Variants in NDST3 observed in about 807,000 individuals in gnomAD.
NDST3 encodes the protein N-deacetylase and N-sulfotransferase 3.
A neutral mutation model predicts 96.1 loss-of-function variants in NDST3; 58 were observed. That is an observed-to-expected ratio of 0.60 (90% confidence interval 0.49 to 0.75). The LOEUF (loss-of-function observed/expected upper bound fraction) is 0.75. Ranked by LOEUF, NDST3 falls within the 30% of genes least tolerant of loss-of-function variation. The probability of loss-of-function intolerance (pLI) is 0.00; values close to 1 mark genes in which losing one functional copy is unlikely to be tolerated. For missense variants in NDST3, 788 were observed against 1,034.2 expected (o/e 0.76, Z 3.27); for synonymous variants, 333 against 359.7 (o/e 0.93, Z 0.84).
chr4:118,207,777 A>T (rs1004948703), intron 6 of NDST3, among the ~76,000 whole-genome samples: 2 of 144,804 alleles, frequency 1.4e-5, no homozygotes, highest in South Asian at 4.6e-4. Flanking sequence ...TTCTTTCAAA[A>T]TTCTAACATA....
chr4:118,170,883 C>T (rs1735906082), intron 6 of NDST3, among the ~76,000 whole-genome samples: 1 of 151,996 alleles, frequency 6.6e-6, no homozygotes, highest in Non-Finnish European at 1.5e-5. Context: ...AAATATAAGT[C>T]AGATAGCATT....
intron 6 of NDST3, among the ~76,000 whole-genome samples, chr4:118,150,920 A>G (rs1044070771): frequency 1.6e-4 from 25 of 151,932 alleles, no homozygotes; most frequent in African/African-American, 5.8e-4. Flanking sequence ...TCATACTGCT[A>G]TAAAGACACA....
chr4:118,045,082 G>A (rs763165815), intron 1 of NDST3, among the ~76,000 whole-genome samples: 25 of 151,800 alleles, frequency 1.6e-4, no homozygotes, highest in Non-Finnish European at 3.2e-4. Flanking sequence ...CATAATCTGG[G>A]TTACCCATAC....
chr4:118,152,241 G>T (rs1734447057), intron 6 of NDST3, among the ~76,000 whole-genome samples: 1 of 152,114 alleles, frequency 6.6e-6, no homozygotes, highest in African/African-American at 2.4e-5. Flanking sequence ...CTTTACACAT[G>T]CATTTGTCTT....
intron 6 of NDST3, among the ~76,000 whole-genome samples, chr4:118,218,140 T>A (rs1739306984): frequency 6.6e-6 from 1 of 152,140 alleles, no homozygotes; most frequent in Non-Finnish European, 1.5e-5. Flanking sequence ...TCTTTCCTTC[T>A]GAAACTATTC....
intron 3 of NDST3, among the ~76,000 whole-genome samples, chr4:118,108,886 T>C (rs928262101): frequency 1.9e-5 from 2 of 105,754 alleles, no homozygotes; most frequent in Non-Finnish European, 4.9e-5. Context: ...ATTTTAAATA[T>C]TAACAACTGG....
chr4:118,067,793 T>C (rs192654895), intron 2 of NDST3, among the ~76,000 whole-genome samples: 81 of 151,976 alleles, frequency 5.3e-4, no homozygotes, highest in African/African-American at 1.8e-3. Context: ...TCAGGACAAA[T>C]AGCTAATGCA....
intron 6 of NDST3, 151 bp downstream of exon 6, chr4:118,143,835 C>A: frequency 1.3e-6 from 1 of 783,524 alleles, no homozygotes; most frequent in South Asian, 2.5e-5. Flanking sequence ...GGAACCACAT[C>A]TAGAAATGGG....
chr4:118,154,670 C>A (rs1467937464), intron 6 of NDST3, among the ~76,000 whole-genome samples: 2 of 152,146 alleles, frequency 1.3e-5, no homozygotes, highest in Non-Finnish European at 2.9e-5. Context: ...ATCTATCAAT[C>A]TTTTAATTTT....
intron 6 of NDST3, among the ~76,000 whole-genome samples, chr4:118,148,835 C>T (rs540732436): frequency 3.7e-4 from 56 of 152,232 alleles, no homozygotes; most frequent in East Asian, 7.7e-4. Flanking sequence ...GGAGACCCTT[C>T]GCTGAAAAAT....
intron 1 of NDST3, among the ~76,000 whole-genome samples, chr4:118,035,746 T>A (rs1244540426): frequency 6.6e-6 from 1 of 152,020 alleles, no homozygotes; most frequent in Non-Finnish European, 1.5e-5. Context: ...CTAATTTTGT[T>A]ATCATTTTTC....
intron 6 of NDST3, among the ~76,000 whole-genome samples, chr4:118,160,440 A>T (rs914996634): frequency 1.4e-4 from 21 of 151,920 alleles, no homozygotes; most frequent in Non-Finnish European, 2.9e-4. Context: ...AATAGCCAGT[A>T]TCTATAAGGA....
chr4:118,041,038 G>C (rs1239152560), intron 1 of NDST3, among the ~76,000 whole-genome samples: 1 of 151,804 alleles, frequency 6.6e-6, no homozygotes, highest in African/African-American at 2.4e-5. Context: ...GTGAGCCCCT[G>C]CACCCGGCCT....
chr4:118,114,834 C>T lies in NDST3; in HGVS notation c.1098C>T (p.Asp366=). The T allele has an allele frequency of 6.2e-7, 1 of 1,613,976 alleles. No individual in the cohort carries two copies. Among genetic ancestry groups the T allele is most frequent in the Non-Finnish European group, 8.5e-7 (1 of 1,179,936 alleles). The change falls in exon 4 of 14, where the codon GAC becomes GAT. Residue 366 remains aspartate (D), a synonymous_variant. Transcript: ENST00000296499. ...TGTEEEDEGD[D]CLLGSVDEFW... ...CTGAAGAGGAAGATGAAGGAGATGA[C>T]TGTCTGTTGGGGTCTGTGGATGAGT...
intron 6 of NDST3, among the ~76,000 whole-genome samples, chr4:118,199,399 T>A (rs563009900): frequency 6.6e-6 from 1 of 152,192 alleles, no homozygotes; most frequent in Admixed American, 6.5e-5. Context: ...AATTTCTGCA[T>A]GATCCTTTTT....
chr4:118,220,094 T>C (rs1739437685), intron 6 of NDST3, among the ~76,000 whole-genome samples: 1 of 152,024 alleles, frequency 6.6e-6, no homozygotes, highest in South Asian at 2.1e-4. Context: ...GAAATACCAA[T>C]GGGATTGCTG....
chr4:118,141,663 A>G (rs1352399737), intron 5 of NDST3, among the ~76,000 whole-genome samples: 1 of 152,214 alleles, frequency 6.6e-6, no homozygotes, highest in Non-Finnish European at 1.5e-5. Flanking sequence ...AAAATATTCA[A>G]ACTGAACCCT....
At chr4:118,141,381 T>G (rs28668316) in intron 5 of NDST3, among the ~76,000 whole-genome samples, 5,394 of 152,208 alleles carry the variant, frequency 0.035, 140 homozygotes, top group African/African-American at 0.072. Flanking sequence ...AATATGACCC[T>G]TATCACACTC....
intron 7 of NDST3, 89 bp downstream of exon 7, chr4:118,224,762 GA>G: frequency 8.8e-7 from 1 of 1,133,832 alleles, no homozygotes; most frequent in Non-Finnish European, 1.2e-6. Flanking sequence ...GAAGGCACCT[GA>G]AAAAACCTGC....
Sources: allele counts gnomAD v4.1 joint callset (sites outside exome capture counted in the v4.1 genomes callset), GRCh38; gene constraint gnomAD v4.1.1; transcripts MANE v1.5; gene names NCBI Gene and HGNC (gene_info 2026-07-23, HGNC 2026-07-21).